The following SHF variants were observed in gnomAD, a reference collection of about 807,000 sequenced individuals.
SHF encodes Src homology 2 domain containing F.
In SHF, 30 loss-of-function variants were observed where a neutral mutation model predicts 42.4. The ratio of observed to expected loss-of-function variants is 0.71; its 90% confidence interval spans 0.53 to 0.96. The LOEUF (loss-of-function observed/expected upper bound fraction) is 0.96. SHF is among the 40% of genes least tolerant of loss of function. The pLI is 0.00. For missense variants in SHF, 598 were observed against 634.0 expected, an observed-to-expected ratio of 0.94 and a Z score of 0.61; for synonymous variants, 264 against 269.9, an observed-to-expected ratio of 0.98 and a Z score of 0.21.
chr15:45,180,160 G>A (rs1898052158), intron 1 of SHF, among the ~76,000 whole-genome samples: 1 of 152,136 alleles, frequency 6.6e-6, no homozygotes, highest in South Asian at 2.1e-4. Context: ...GCTCTTTGTT[G>A]TTTTTGTCTT....
intron 2 of SHF, chr15:45,198,682 T>A: frequency 8.0e-6 from 12 of 1,494,908 alleles, no homozygotes; most frequent in Non-Finnish European, 1.1e-5. Context: ...CACGGCGAGC[T>A]ACCGGGGACC....
At chr15:45,200,426 A>T (rs1293890674) in intron 1 of SHF, 2 of 235,346 alleles carry the variant, frequency 8.5e-6, no homozygotes, top group East Asian at 9.1e-5. Context: ...CGTGACTCGG[A>T]TTCGAACCGA....
intron 1 of SHF, among the ~76,000 whole-genome samples, chr15:45,181,499 C>G (rs1156922934): frequency 6.6e-6 from 1 of 152,202 alleles, no homozygotes; most frequent in Non-Finnish European, 1.5e-5. Context: ...TTGACCTACC[C>G]TAATTTGTTA....
At chr15:45,188,338 C>G (rs1898585988), upstream of SHF, among the ~76,000 whole-genome samples, 1 of 152,216 alleles carries the variant, frequency 6.6e-6, no homozygotes, top group Non-Finnish European at 1.5e-5. Flanking sequence ...CTCTAGGGAG[C>G]CTTACGCCTC....
At chr15:45,198,653 G>A (rs888263799) in intron 2 of SHF, 4 of 1,352,736 alleles carry the variant, frequency 3.0e-6, no homozygotes, top group Non-Finnish European at 4.0e-6. Flanking sequence ...ACAACGCAGA[G>A]TACTAACCAC....
At chr15:45,174,779 G>T (rs112976674) in intron 3 of SHF, among the ~76,000 whole-genome samples, 1 of 152,110 alleles carries the variant, frequency 6.6e-6, no homozygotes, top group Non-Finnish European at 1.5e-5. Context: ...CCCCTGGTCC[G>T]CCAGGGCCTA....
At position 45,198,648 on chromosome 15, in the gene SHF, G is replaced by A. The variant is rs759951217; in HGVS notation, c.303+124C>T. On this transcript the variant is annotated intron_variant, in intron 2 of 7. Coordinates refer to the SHF transcript ENST00000290894. Reference sequence around the variant, plus strand: ...GAACCGAGGTTGCTGCGGCCACAACGCAGAGTACTAACCACTATACGATCA... The same window carrying A: ...GAACCGAGGTTGCTGCGGCCACAACACAGAGTACTAACCACTATACGATCA... 1.8e-4 allele frequency: 233 copies of A among 1,263,624 alleles called. 1 individual carries two copies. The highest frequency in any genetic ancestry group is 7.9e-4 in the East Asian group (33 of 41,782). 78.3% of individuals were successfully genotyped at this position (1,263,624 alleles called of 1,614,324 possible). A position where few individuals can be genotyped will look rare whatever the true frequency, so the allele number is the denominator to read the frequency against.
At chr15:45,178,421 AC>A (rs763900091) in intron 1 of SHF, 115 bp from the exon 2 acceptor site, 5 of 1,208,132 alleles carry the variant, frequency 4.1e-6, no homozygotes, top group Non-Finnish European at 5.6e-6. Context: ...TTCGACCCAG[AC>A]CCCCAGGTAC....
At chr15:45,180,063 A>G (rs1181220763) in intron 1 of SHF, among the ~76,000 whole-genome samples, 1 of 151,964 alleles carries the variant, frequency 6.6e-6, no homozygotes, top group Non-Finnish European at 1.5e-5. Context: ...CAGCTCCTTT[A>G]CAACCTCCTT....
rs1242706008 is a variant in SHF at position 45,173,637 on chromosome 15, C to T, written c.927G>A (p.Gly309=). 2 of 1,551,180 alleles carry T rather than the reference C, an allele frequency of 1.3e-6. No individual in the cohort carries two copies. Among genetic ancestry groups the T allele is most frequent in the Non-Finnish European group, 1.7e-6 (2 of 1,146,868 alleles). Residue 309 remains glycine, a synonymous_variant, in exon 4 of 7, where the codon GGG becomes GGA. Transcript: ENST00000690270. ...AGGCTGGACCGGAGATGTCCCTGTC[C>T]CCATCAGGCAGGGAGGGGCTGCTGT... The part of the protein sequence containing the change: ...QLDSSPSLPD[G]DRDISGPASP...
chr15:45,185,747 T>TG (rs1898360492), intron 1 of SHF, among the ~76,000 whole-genome samples: 1 of 152,242 alleles, frequency 6.6e-6, no homozygotes, highest in African/African-American at 2.4e-5. Flanking sequence ...TAGAACTGTG[T>TG]GGGTGCACCC....
chr15:45,167,903 C>T lies in SHF; in HGVS notation c.*44G>A, dbSNP rs1303877954. On this transcript the variant is annotated 3_prime_UTR_variant, in exon 7 of 7. Coordinates refer to ENST00000690270, the MANE Select transcript of SHF (RefSeq NM_001394037.1). ...CCACAGCCCTCAGCCAGGTGATGGG[C>T]ACAGGGCTGGGTACAGGTCTATCAC... 1.4e-6 allele frequency: 2 copies of T among 1,476,938 alleles called. No homozygotes were observed. Among genetic ancestry groups the T allele is most frequent in the Non-Finnish European group, 1.8e-6 (2 of 1,104,318 alleles). 91.5% of individuals were successfully genotyped at this position (1,476,938 alleles called of 1,614,324 possible).
intron 6 of SHF, chr15:45,171,154 T>C (rs1235279168): frequency 4.6e-5 from 7 of 153,360 alleles, no homozygotes; most frequent in Non-Finnish European, 1.0e-4. Flanking sequence ...CCCACTGGCT[T>C]CCTAACGGGG....
At chr15:45,198,582 C>T in intron 2 of SHF, 4 of 598,406 alleles carry the variant, frequency 6.7e-6, no homozygotes, top group South Asian at 3.4e-5. Flanking sequence ...TACCGAGCCC[C>T]TTGCCGTGCC....
rs773710682 is a variant in SHF, at chr15:45,178,165, C to T, written c.640G>A (p.Glu214Lys). The change falls in exon 2 of 7, where the codon GAG becomes AAG. Residue 214 changes from glutamate to lysine, a missense_variant and splice_region_variant. Glu to Lys is a moderately conservative substitution (Grantham distance 56, BLOSUM62 1). Around this residue, in one of 2 missense-constraint regions of SHF, gnomAD observed 439 missense variants for 524.6 expected, o/e 0.84. Transcript: ENST00000690270. ...CACCTCCCCTGCCCCTGTCACTCAC[C>T]GGCCATCATCTTTTGAGCCTCATAG... ...EPYEAQKMMA[E>K]IRGSKETATQ... 6.2e-6 allele frequency: 10 copies of T among 1,611,744 alleles called. No individual in the cohort carries two copies. In the East Asian group the frequency reaches 6.7e-5, roughly 11 times the overall value.
At chr15:45,178,496 A>G (rs1897948656) in intron 1 of SHF, among the ~76,000 whole-genome samples, 190 bp from the exon 2 acceptor site, 1 of 150,908 alleles carries the variant, frequency 6.6e-6, no homozygotes, top group South Asian at 2.1e-4. Context: ...GGGCTCCCCT[A>G]CTAGGCTGCC....
In SHF at chr15:45,171,762, A is replaced by G. The variant is rs553783234; in HGVS notation, c.1280+121T>C. ...GAGTCTCAGACATCTCAGGACCCCC[A>G]GTGCCTGGGGATTGTTCATGGGGGA... is the stretch of plus-strand genomic sequence containing the variant. On this transcript the variant is annotated intron_variant, in intron 6 of 6. Transcript: ENST00000690270. 5.5e-5 allele frequency: 59 copies of G among 1,066,826 alleles called. No homozygotes were observed. The South Asian group carries it at 8.4e-4, about 15-fold the overall frequency. 66.1% of individuals were successfully genotyped at this position (1,066,826 alleles called of 1,614,324 possible). A position where few individuals can be genotyped will look rare whatever the true frequency, so the allele number is the denominator to read the frequency against.
At chr15:45,192,827 T>C (rs1327453282), upstream of SHF, among the ~76,000 whole-genome samples, 4 of 152,230 alleles carry the variant, frequency 2.6e-5, no homozygotes, top group Non-Finnish European at 5.9e-5. Context: ...ATGTAGGATG[T>C]CCCACATTCT....
At chr15:45,182,349 T>C (rs1898171767) in intron 1 of SHF, among the ~76,000 whole-genome samples, 8 of 152,180 alleles carry the variant, frequency 5.3e-5, no homozygotes, top group Admixed American at 3.9e-4. Flanking sequence ...TCTGTCTTTT[T>C]ATCTGTAGAA....
Sources: gnomAD v4.1 joint callset for allele counts (sites outside exome capture counted in the v4.1 genomes callset) on GRCh38, gnomAD v4.1.1 for gene constraint, gnomAD v4.1.1 regional missense constraint, MANE v1.5 for transcripts, NCBI Gene and HGNC (gene_info 2026-07-23, HGNC 2026-07-21) for gene names.